SLA: variants seen among roughly 807,000 people sequenced by gnomAD.
SLA encodes the protein src-like-adapter.
SLA carries 16 observed loss-of-function variants against 30.3 expected under a neutral mutation model. The ratio of observed to expected loss-of-function variants is 0.53; its 90% CI spans 0.36 to 0.80. The LOEUF is 0.80. Ranked by LOEUF, SLA falls within the 30% of genes least tolerant of loss-of-function variation. SLA has a pLI of 0.01. For synonymous variants in SLA, 143 were observed against 137.8 expected, an observed-to-expected ratio of 1.04 and a Z score of -0.26; for missense variants, 310 against 345.2, an observed-to-expected ratio of 0.90 and a Z score of 0.81.
intron 1 of SLA, among the ~76,000 whole-genome samples, chr8:133,101,714 G>A (rs2958671): frequency 0.22 from 33,930 of 152,178 alleles, 4,294 homozygotes; most frequent in South Asian, 0.3. Flanking sequence ...AGGGCTTGCA[G>A]TCAGATGATA....
At chr8:133,095,074 A>G in intron 1 of SLA, 2 of 1,614,130 alleles carry the variant, frequency 1.2e-6, no homozygotes, top group Non-Finnish European at 1.7e-6. Context: ...GGCCGCCGTC[A>G]TCAGCCATGA....
At chr8:133,080,943 G>A (rs985140931) in intron 1 of SLA, among the ~76,000 whole-genome samples, 1 of 152,242 alleles carries the variant, frequency 6.6e-6, no homozygotes, top group Non-Finnish European at 1.5e-5. Context: ...AGGCCACTTG[G>A]TGTTTTATTT....
chr8:133,083,029 T>A (rs1845992380), intron 1 of SLA, among the ~76,000 whole-genome samples: 2 of 152,252 alleles, frequency 1.3e-5, no homozygotes, highest in South Asian at 4.1e-4. Flanking sequence ...GGGGCAGACA[T>A]GGAGGGAGAG....
intron 6 of SLA, chr8:133,046,351 C>T (rs1286555467): frequency 6.6e-6 from 1 of 152,264 alleles, no homozygotes; most frequent in Non-Finnish European, 1.5e-5. Flanking sequence ...CCTAGAGCCC[C>T]TATGGGATAT....
chr8:133,056,575 G>A (rs191611625), intron 3 of SLA, among the ~76,000 whole-genome samples: 77 of 152,306 alleles, frequency 5.1e-4, no homozygotes, highest in African/African-American at 1.7e-3. Context: ...AATCCCAGCT[G>A]TCTCCTCTGA....
At chr8:133,074,237 G>A (rs1844521548) in intron 2 of SLA, among the ~76,000 whole-genome samples, 1 of 152,004 alleles carries the variant, frequency 6.6e-6, no homozygotes, top group Non-Finnish European at 1.5e-5. Context: ...TGCTCAGATT[G>A]TTATTAATTA....
At chr8:133,088,953 C>T (rs1033826246) in intron 1 of SLA, among the ~76,000 whole-genome samples, 127 of 152,296 alleles carry the variant, frequency 8.3e-4, no homozygotes, top group African/African-American at 2.9e-3. Context: ...TAAAAAAAGT[C>T]CATCTGTGCT....
At chr8:133,053,137 C>A (rs943693812) in intron 3 of SLA, among the ~76,000 whole-genome samples, 1 of 152,166 alleles carries the variant, frequency 6.6e-6, no homozygotes. Context: ...CCGTTCCCAC[C>A]TTTGTCAACT....
In SLA at chr8:133,102,567, G is replaced by A; in HGVS notation, c.-333C>T. 1 of 1,551,524 alleles carries A rather than the reference G, an allele frequency of 6.4e-7. No individual in the cohort carries two copies. The highest frequency in any genetic ancestry group is 8.7e-7 in the Non-Finnish European group (1 of 1,146,856). On this transcript the variant is annotated 5_prime_UTR_variant, in exon 1 of 9. Coordinates refer to ENST00000338087, the MANE Select transcript of SLA (RefSeq NM_001045556.3). ...TAGCAACCTACCGGTGGAGCATCAG[G>A]GCTGCCTGAGATGTTCTCCATTCGC...
intron 3 of SLA, among the ~76,000 whole-genome samples, chr8:133,052,633 TAA>T (rs1437375229): frequency 6.6e-6 from 1 of 152,230 alleles, no homozygotes; most frequent in Non-Finnish European, 1.5e-5. Flanking sequence ...ACAGTTGTGT[TAA>T]GTTTGAAGCC....
At chr8:133,054,779 C>T (rs758645552) in intron 3 of SLA, among the ~76,000 whole-genome samples, 5 of 152,106 alleles carry the variant, frequency 3.3e-5, no homozygotes, top group East Asian at 3.9e-4. Flanking sequence ...TGTACAAAAG[C>T]GTAAAATAGG....
chr8:133,054,662 T>C (rs1353083355), intron 3 of SLA, among the ~76,000 whole-genome samples: 3 of 152,208 alleles, frequency 2.0e-5, no homozygotes, highest in Non-Finnish European at 4.4e-5. Flanking sequence ...CTTGATAATT[T>C]CTTACTCTCT....
At chr8:133,060,482 AAGC>A in intron 2 of SLA, 1 of 916,080 alleles carries the variant, frequency 1.1e-6, no homozygotes. Context: ...TGAGGATGGT[AAGC>A]AGCCACAGCA....
intron 2 of SLA, among the ~76,000 whole-genome samples, chr8:133,067,882 G>GAAAGAGAGA: frequency 4.8e-5 from 1 of 21,048 alleles, no homozygotes; most frequent in African/African-American, 1.8e-4. Context: ...AAGGAAGGAA[G>GAAAGAGAGA]GAAGTATGTA....
Position 133,057,981 on chromosome 8 carries a change from T to C in SLA, c.61+2119A>G, listed in dbSNP as rs560157094. Among the ~76,000 whole-genome samples the C allele has an allele frequency of 2.0e-5, 3 of 152,250 alleles. No individual in the cohort carries two copies. The East Asian group carries it at 5.8e-4, about 29-fold the overall frequency. ...CTGGCACTGAAGCTAATGTGGGAGCTGGCTCTAATTGCACATTGGCCTAAA... is the reference window on the plus strand; with the variant it reads ...CTGGCACTGAAGCTAATGTGGGAGCCGGCTCTAATTGCACATTGGCCTAAA... On this transcript the variant is annotated intron_variant, in intron 3 of 8. Transcript: ENST00000338087.
Position 133,084,872 on chromosome 8 carries a change from T to C in SLA, c.-318-9742A>G, listed in dbSNP as rs193055855. On this transcript the variant is annotated intron_variant, in intron 1 of 8. Transcript: ENST00000338087. ...AGATGTCTGCAGAAGGCAGGTTGAGTGCAGATTCTGTTTGGCACATAGAGG... is the reference window on the plus strand; with the variant it reads ...AGATGTCTGCAGAAGGCAGGTTGAGCGCAGATTCTGTTTGGCACATAGAGG... Among the ~76,000 whole-genome samples, 525 of 152,306 alleles carry C rather than the reference T, an allele frequency of 3.4e-3. 6 individuals carry two copies. The highest frequency in any genetic ancestry group is 2.6e-3 in the Non-Finnish European group (176 of 68,024).
At chr8:133,046,758 G>C (rs1839490197) in intron 6 of SLA, among the ~76,000 whole-genome samples, 1 of 145,076 alleles carries the variant, frequency 6.9e-6, no homozygotes, top group Non-Finnish European at 1.5e-5. Flanking sequence ...TGATCTTTCT[G>C]TACCCCAGCA....
intron 2 of SLA, among the ~76,000 whole-genome samples, chr8:133,064,331 C>T (rs1842784051): frequency 6.6e-6 from 1 of 152,238 alleles, no homozygotes; most frequent in Non-Finnish European, 1.5e-5. Context: ...GACAGAATCC[C>T]AATCTTGCCT....
intron 2 of SLA, among the ~76,000 whole-genome samples, chr8:133,067,306 C>G (rs1331605813): frequency 6.6e-6 from 1 of 152,116 alleles, no homozygotes; most frequent in African/African-American, 2.4e-5. Context: ...CACCCCACCC[C>G]CATCTGCTTC....
Sources: allele counts gnomAD v4.1 joint callset (sites outside exome capture counted in the v4.1 genomes callset), GRCh38; gene constraint gnomAD v4.1.1; transcripts MANE v1.5; gene names NCBI Gene and HGNC (gene_info 2026-07-23, HGNC 2026-07-21).